The following TMEM219 variants were observed in gnomAD, a reference collection of about 807,000 sequenced individuals.
TMEM219 encodes the protein insulin-like growth factor-binding protein 3 receptor.
In TMEM219, 18 loss-of-function variants were observed where a neutral mutation model predicts 17.9. The ratio of observed to expected loss-of-function variants is 1.01; its 90% CI spans 0.70 to 1.49. The LOEUF (loss-of-function observed/expected upper bound fraction) is 1.49. Among genes scored for constraint, TMEM219 ranks in the 40% most tolerant of loss-of-function variants. TMEM219 has a pLI of 0.00. For synonymous variants in TMEM219, 113 were observed against 124.0 expected, an observed-to-expected ratio of 0.91 and a Z score of 0.59; for missense variants, 288 against 292.4, an observed-to-expected ratio of 0.99 and a Z score of 0.11.
intron 1 of TMEM219, 128 bp from the exon 2 acceptor site, chr16:29,962,979 C>T (rs778595075): frequency 2.6e-6 from 2 of 767,486 alleles, no homozygotes; most frequent in Non-Finnish European, 4.3e-6. Context: ...GAGTCGGGAA[C>T]CTTGGATTCT....
intron 3 of TMEM219, among the ~76,000 whole-genome samples, chr16:29,965,722 T>C (rs893519611): frequency 1.3e-5 from 2 of 151,854 alleles, no homozygotes; most frequent in Admixed American, 6.6e-5. Flanking sequence ...TTACAGGTGC[T>C]CGCCATCACG....
intron 4 of TMEM219, among the ~76,000 whole-genome samples, chr16:29,968,936 C>T (rs1439614203): frequency 6.6e-6 from 1 of 152,154 alleles, no homozygotes; most frequent in East Asian, 1.9e-4. Flanking sequence ...CAACCCACAC[C>T]TTCTGTCAAG....
At chr16:29,964,095 C>G (rs1001864093) in intron 3 of TMEM219, among the ~76,000 whole-genome samples, 6 of 150,874 alleles carry the variant, frequency 4.0e-5, no homozygotes, top group African/African-American at 1.5e-4. Context: ...GAGGCCGAGG[C>G]GGGCAGATCA....
At chr16:29,967,820 G>A (rs1331097841) in intron 3 of TMEM219, among the ~76,000 whole-genome samples, 6 of 151,864 alleles carry the variant, frequency 4.0e-5, no homozygotes, top group Admixed American at 1.3e-4. Flanking sequence ...CCAGCTACTC[G>A]GGAGACTGAG....
At chr16:29,969,060 A>G (rs1320075880) in intron 4 of TMEM219, among the ~76,000 whole-genome samples, 1 of 152,126 alleles carries the variant, frequency 6.6e-6, no homozygotes, top group African/African-American at 2.4e-5. Flanking sequence ...ACAGGCCTAG[A>G]GATTGAAAAG....
chr16:29,971,359 G>GGA, intron 4 of TMEM219, 49 bp from the exon 5 acceptor site: 1 of 1,611,826 alleles, frequency 6.2e-7, no homozygotes, highest in East Asian at 2.2e-5. Context: ...TATAGCCCTT[G>GGA]GACTGGATTA....
At chr16:29,965,344 CCCATTCTTTT>C (rs1390615869) in intron 3 of TMEM219, among the ~76,000 whole-genome samples, 5 of 152,026 alleles carry the variant, frequency 3.3e-5, no homozygotes, top group African/African-American at 9.7e-5. Flanking sequence ...ACAATTCTTT[CCCATTCTTTT>C]TACTTTTAAA....
chr16:29,972,641 T>C (rs539709671), intron 5 of TMEM219, among the ~76,000 whole-genome samples: 60 of 152,358 alleles, frequency 3.9e-4, no homozygotes, highest in African/African-American at 1.4e-3. Context: ...CCCAGGGAAC[T>C]GATCAGGCCA....
chr16:29,964,244 A>G (rs2069184179), intron 3 of TMEM219, among the ~76,000 whole-genome samples: 1 of 152,030 alleles, frequency 6.6e-6, no homozygotes, highest in Non-Finnish European at 1.5e-5. Context: ...AATCACTTGA[A>G]GCCAGGAGGC....
Position 29,968,082 on chromosome 16 carries a change from C to G in TMEM219, c.413C>G (p.Ala138Gly), listed in dbSNP as rs2069236586. Residue 138 changes from alanine to glycine, a missense_variant, in exon 4 of 6, where the codon GCA (alanine) becomes GGA (glycine). Coordinates refer to ENST00000279396, the MANE Select transcript of TMEM219 (RefSeq NM_001083613.2). ...GCCAGGGTGACCACAGAAAGGACTGCAGGAACCTGCCTATATTTTAGTGCT... is the reference window on the plus strand; with the variant it reads ...GCCAGGGTGACCACAGAAAGGACTGGAGGAACCTGCCTATATTTTAGTGCT... ...ITARVTTERT[A>G]GTCLYFSAVP... 1 of 1,614,198 alleles carries G rather than the reference C, an allele frequency of 6.2e-7. No individual in the cohort carries two copies. The highest frequency in any genetic ancestry group is 8.5e-7 in the Non-Finnish European group (1 of 1,180,028).
At chr16:29,971,609 C>G in intron 5 of TMEM219, 31 bp downstream of exon 5, 27 of 1,252,852 alleles carry the variant, frequency 2.2e-5, no homozygotes, top group South Asian at 1.0e-4. Context: ...CCTGCGGGAG[C>G]AGGGAATGGG....
At chr16:29,962,392 A>AG (rs2069157594) in intron 1 of TMEM219, among the ~76,000 whole-genome samples, 1 of 152,058 alleles carries the variant, frequency 6.6e-6, no homozygotes, top group African/African-American at 2.4e-5. Flanking sequence ...GCCTTCCAGA[A>AG]GTTCTTTTCC....
rs892750240 is a variant in TMEM219, at chr16:29,971,465, T to C, written c.643T>C (p.Phe215Leu). Residue 215 changes from phenylalanine (F) to leucine (L), a missense_variant, in exon 5 of 6, where the codon TTC becomes CTC. Phe to Leu is a conservative substitution (Grantham distance 22, BLOSUM62 0). Coordinates refer to ENST00000279396, the MANE Select transcript of TMEM219 (RefSeq NM_001083613.2). ...LLVLGSFLLL[F>L]CGLLCCVTAM... is the part of the protein sequence containing the mutation. ...GGTCTTGGGCTCCTTCCTGCTTCTC[T>C]TCTGTGGCCTTCTCTGCTGTGTCAC... 6.2e-7 allele frequency: 1 copy of C among 1,614,132 alleles called. No individual in the cohort carries two copies. The highest frequency in any genetic ancestry group is 8.5e-7 in the Non-Finnish European group (1 of 1,180,010).
At chr16:29,968,616 G>T (rs552601997) in intron 4 of TMEM219, 2 of 195,718 alleles carry the variant, frequency 1.0e-5, no homozygotes, top group South Asian at 2.2e-4. Context: ...ATAATAAGAG[G>T]CAAATGGGCT....
chr16:29,965,723 C>G (rs531104858), intron 3 of TMEM219, among the ~76,000 whole-genome samples: 2 of 151,832 alleles, frequency 1.3e-5, no homozygotes, highest in Non-Finnish European at 1.5e-5. Flanking sequence ...TACAGGTGCT[C>G]GCCATCACGC....
intron 1 of TMEM219, chr16:29,962,665 A>T (rs1420861843): frequency 6.2e-6 from 1 of 160,872 alleles, no homozygotes; most frequent in African/African-American, 2.4e-5. Flanking sequence ...GTGTTCTCAG[A>T]ACTCCCATTT....
At chr16:29,963,636 A>C (rs1338885746) in intron 3 of TMEM219, 47 bp downstream of exon 3, 3 of 1,550,136 alleles carry the variant, frequency 1.9e-6, no homozygotes. Flanking sequence ...TAATCCCAAC[A>C]CTTTGGGAGG....
At chr16:29,963,663 A>G (rs2069176915) in intron 3 of TMEM219, 74 bp downstream of exon 3, 1 of 1,404,096 alleles carries the variant, frequency 7.1e-7, no homozygotes, top group Non-Finnish European at 9.7e-7. Flanking sequence ...TAGGTGGATC[A>G]TTTGAGGTCA....
Position 29,963,179 on chromosome 16 carries a change from GT to G in TMEM219, c.37del (p.Cys13ValfsTer13), listed in dbSNP as rs745422677. 6 of 1,613,280 alleles carry G rather than the reference GT, an allele frequency of 3.7e-6. No individual in the cohort carries two copies. In the East Asian group the frequency reaches 1.1e-4, roughly 30 times the overall value. On this transcript the variant is annotated frameshift_variant, in exon 2 of 6. Coordinates refer to ENST00000279396, the MANE Select transcript of TMEM219 (RefSeq NM_001083613.2). LOFTEE classifies it high-confidence loss of function. The part of the protein sequence containing the change: ...NCQAGHNLHL[C>X]LAHHPPLVCA... ...GCCAGGCAGGGCACAACCTGCACCT[GT>G]GTCTGGCCCACCACCCACCTCTGGT...
Sources: gnomAD v4.1 joint callset for allele counts (sites outside exome capture counted in the v4.1 genomes callset) on GRCh38, gnomAD v4.1.1 for gene constraint, MANE v1.5 for transcripts, NCBI Gene and HGNC (gene_info 2026-07-23, HGNC 2026-07-21) for gene names.